The following YTHDC1 variants were observed in gnomAD, a reference collection of about 807,000 sequenced individuals.
YTHDC1 encodes YTH domain-containing protein 1.
YTHDC1 carries 12 observed loss-of-function variants against 107.0 expected under a neutral mutation model. The ratio of observed to expected loss-of-function variants is 0.11; its 90% CI spans 0.07 to 0.18. The LOEUF (loss-of-function observed/expected upper bound fraction) is 0.18, where lower values mean the gene tolerates loss of function less well. Among genes scored for constraint, YTHDC1 ranks in the 10% least tolerant of loss-of-function variants. The pLI, the probability that YTHDC1 is intolerant of heterozygous loss-of-function variation, is 1.00. For missense variants in YTHDC1, 635 were observed against 898.8 expected (o/e 0.71, Z 3.75); for synonymous variants, 280 against 289.5 (o/e 0.97, Z 0.33).
intron 10 of YTHDC1, among the ~76,000 whole-genome samples, chr4:68,323,502 C>T (rs765963957): frequency 7.2e-5 from 11 of 152,140 alleles, no homozygotes; most frequent in South Asian, 2.1e-4. Flanking sequence ...CCCAGGCAGG[C>T]GGATCGCTTG....
intron 9 of YTHDC1, among the ~76,000 whole-genome samples, chr4:68,324,715 G>A (rs1023861319): frequency 6.6e-6 from 1 of 152,136 alleles, no homozygotes; most frequent in Non-Finnish European, 1.5e-5. Flanking sequence ...CCCTGTTCAA[G>A]TGTACTTCCT....
chr4:68,343,622 G>A (rs1240946464), intron 1 of YTHDC1, among the ~76,000 whole-genome samples: 3 of 144,650 alleles, frequency 2.1e-5, no homozygotes, highest in Non-Finnish European at 4.5e-5. Flanking sequence ...TGCAACCTCC[G>A]CCTCTGAGGT....
Position 68,320,188 on chromosome 4 carries a change from T to C in YTHDC1, c.1619A>G (p.Tyr540Cys). Residue 540 changes from tyrosine to cysteine, a missense_variant, in exon 12 of 17, where the codon TAT becomes TGT. Transcript: ENST00000344157. ...TTTCTTTCTGCTGTTATGAATATCATAATCTTCTGGTCGACGCCTACACAA... is the reference window on the plus strand; with the variant it reads ...TTTCTTTCTGCTGTTATGAATATCACAATCTTCTGGTCGACGCCTACACAA... ...RDVGRRRPEDYDIHNSRKKPR... is the reference protein window; with the variant it reads ...RDVGRRRPEDCDIHNSRKKPR... 1 of 1,608,784 alleles carries C rather than the reference T, an allele frequency of 6.2e-7. No individual in the cohort carries two copies. The highest frequency in any genetic ancestry group is 1.1e-5 in the South Asian group (1 of 89,848).
chr4:68,314,041 C>CA lies in YTHDC1; in HGVS notation c.*57dup, dbSNP rs143621035. The stretch of plus-strand genomic sequence containing the variant: ...TAAATTTACTACTTGTAAACACACA[C>CA]AAAAAAAAAATACAAGATTTTTTGT... On this transcript the variant is annotated 3_prime_UTR_variant, in exon 17 of 17. Coordinates refer to ENST00000344157, the MANE Select transcript of YTHDC1 (RefSeq NM_001031732.4). 12,613 of 1,256,294 alleles carry CA rather than the reference C, an allele frequency of 0.01. 1 individual carries two copies. Among genetic ancestry groups the CA allele is most frequent in the South Asian group, 0.016 (1,058 of 66,742 alleles). 77.8% of individuals were successfully genotyped at this position (1,256,294 alleles called of 1,614,324 possible).
chr4:68,315,803 A>G (rs917413128), intron 16 of YTHDC1: 2 of 152,274 alleles, frequency 1.3e-5, no homozygotes, highest in African/African-American at 2.4e-5. Context: ...GCTACATATC[A>G]TAACATCTGG....
chr4:68,336,596 A>C (rs963177311), intron 4 of YTHDC1, among the ~76,000 whole-genome samples: 2 of 152,138 alleles, frequency 1.3e-5, no homozygotes, highest in Non-Finnish European at 2.9e-5. Flanking sequence ...AAAAAGAAAT[A>C]ATCTGTTTTG....
chr4:68,314,416 T>G, intron 16 of YTHDC1, 93 bp from the exon 17 acceptor site: 1 of 1,075,536 alleles, frequency 9.3e-7, no homozygotes, highest in Admixed American at 3.2e-5. Context: ...ATAAACAATT[T>G]TAAAATATAA....
intron 7 of YTHDC1, among the ~76,000 whole-genome samples, chr4:68,331,232 C>T (rs1723547950): frequency 6.6e-6 from 1 of 151,968 alleles, no homozygotes; most frequent in South Asian, 2.1e-4. Context: ...CCTTTTTCCC[C>T]TAATATTTCA....
chr4:68,338,149 C>T (rs1031169966), intron 2 of YTHDC1, 134 bp downstream of exon 2: 1 of 1,265,048 alleles, frequency 7.9e-7, no homozygotes, highest in Non-Finnish European at 1.1e-6. Flanking sequence ...CATATGGATA[C>T]CAGTTTATTA....
chr4:68,330,572 G>C (rs148533812), intron 7 of YTHDC1, among the ~76,000 whole-genome samples: 58 of 152,184 alleles, frequency 3.8e-4, no homozygotes, highest in Non-Finnish European at 7.2e-4. Context: ...AAATCTAAGG[G>C]ACTAGAATTC....
rs1415189795 is a variant in YTHDC1 at position 68,313,482 on chromosome 4, G to A, written c.*617C>T. The A allele has an allele frequency of 6.5e-6, 1 of 152,800 alleles. No homozygotes were observed. The highest frequency in any genetic ancestry group is 1.5e-5 in the Non-Finnish European group (1 of 68,328). The allele number at this position is 152,800 out of a possible 1,614,324, so 9.5% of individuals were successfully genotyped here. On this transcript the variant is annotated 3_prime_UTR_variant, in exon 17 of 17. Transcript: ENST00000344157. Reference sequence around the variant, plus strand: ...AGCATCAACCACGCTACTGAACATAGGAATTTTTCATTTAAAAAGATTAAA... The same window carrying A: ...AGCATCAACCACGCTACTGAACATAAGAATTTTTCATTTAAAAAGATTAAA...
intron 9 of YTHDC1, 130 bp from the exon 10 acceptor site, chr4:68,324,353 G>GTTT: frequency 7.3e-6 from 5 of 685,176 alleles, no homozygotes; most frequent in Non-Finnish European, 1.2e-5. Flanking sequence ...ACTTACAGTG[G>GTTT]TTAATTCCCT....
chr4:68,339,846 CT>C (rs1245475579), intron 1 of YTHDC1, among the ~76,000 whole-genome samples: 1 of 152,140 alleles, frequency 6.6e-6, no homozygotes, highest in Non-Finnish European at 1.5e-5. Context: ...GGAACTATGA[CT>C]TTATTCAATG....
intron 1 of YTHDC1, among the ~76,000 whole-genome samples, chr4:68,349,232 G>T (rs1273905320): frequency 6.6e-6 from 1 of 152,154 alleles, no homozygotes; most frequent in African/African-American, 2.4e-5. Context: ...TATTTAACAG[G>T]AACAGCCAGA....
chr4:68,344,682 A>G (rs1461800395), intron 1 of YTHDC1, among the ~76,000 whole-genome samples: 3 of 152,234 alleles, frequency 2.0e-5, no homozygotes, highest in Non-Finnish European at 4.4e-5. Flanking sequence ...AACTAATAGC[A>G]AAATGAGTTT....
intron 15 of YTHDC1, among the ~76,000 whole-genome samples, 155 bp from the exon 16 acceptor site, chr4:68,316,603 TG>T (rs1330940516): frequency 1.3e-5 from 2 of 152,240 alleles, no homozygotes; most frequent in Non-Finnish European, 2.9e-5. Flanking sequence ...ATATGCTTTT[TG>T]TCGAAAATTA....
intron 10 of YTHDC1, 82 bp downstream of exon 10, chr4:68,324,057 G>C: frequency 5.6e-6 from 7 of 1,259,266 alleles, no homozygotes; most frequent in South Asian, 1.4e-5. Flanking sequence ...CATCAGAAAC[G>C]GTTAAAACGA....
chr4:68,318,306 C>A (rs1390347340), intron 15 of YTHDC1, among the ~76,000 whole-genome samples: 2 of 152,114 alleles, frequency 1.3e-5, no homozygotes, highest in Non-Finnish European at 2.9e-5. Flanking sequence ...TTCAGTTTCA[C>A]CGTGTTGGCC....
At chr4:68,320,048 G>T in intron 12 of YTHDC1, 75 bp downstream of exon 12, 1 of 1,291,750 alleles carries the variant, frequency 7.7e-7, no homozygotes, top group South Asian at 1.3e-5. Context: ...GCAGGATTGT[G>T]AGGGTTGTTT....
Sources: allele counts gnomAD v4.1 joint callset (sites outside exome capture counted in the v4.1 genomes callset), GRCh38; gene constraint gnomAD v4.1.1; transcripts MANE v1.5; gene names NCBI Gene and HGNC (gene_info 2026-07-23, HGNC 2026-07-21).